The following KCNU1 variants were observed in gnomAD, a reference collection of about 807,000 sequenced individuals.
The protein encoded by KCNU1 is potassium channel subfamily U member 1.
Under a neutral mutation model 126.8 loss-of-function variants are expected in KCNU1, and 93 were observed. The observed-to-expected ratio is 0.73, with a 90% CI of 0.62 to 0.87. The LOEUF is 0.87. Among genes scored for constraint, KCNU1 ranks in the 40% least tolerant of loss-of-function variants. KCNU1 has a pLI of 0.00. For missense variants in KCNU1, 1,330 were observed against 1,367.1 expected, an observed-to-expected ratio of 0.97 and a Z score of 0.43; for synonymous variants, 523 against 494.2, an observed-to-expected ratio of 1.06 and a Z score of -0.77.
intron 2 of KCNU1, among the ~76,000 whole-genome samples, chr8:36,789,417 A>G (rs552499391): frequency 6.6e-6 from 1 of 152,156 alleles, no homozygotes; most frequent in African/African-American, 2.4e-5. Flanking sequence ...TAGAGATCCC[A>G]AGTACAGTTT....
chr8:36,911,999 T>A (rs961821038), intron 22 of KCNU1, among the ~76,000 whole-genome samples: 5 of 152,164 alleles, frequency 3.3e-5, no homozygotes, highest in East Asian at 1.9e-4. Context: ...ATTTTCTGTA[T>A]CTAAAACAGA....
intron 19 of KCNU1, among the ~76,000 whole-genome samples, chr8:36,904,931 G>A (rs1214757373): frequency 6.6e-6 from 1 of 152,142 alleles, no homozygotes; most frequent in African/African-American, 2.4e-5. Flanking sequence ...GCAGTGTTAA[G>A]CCTAGATTTT....
In KCNU1 at chr8:36,814,375, T is replaced by C. The variant is rs756058966; in HGVS notation, c.901T>C (p.Leu301=). 3.8e-6 allele frequency: 6 copies of C among 1,599,196 alleles called. No individual in the cohort carries two copies. The highest frequency in any genetic ancestry group is 1.3e-5 in the African/African-American group (1 of 74,542). ...CATCATGTTCTTCACACTGGGGAGT[T>C]TGGTGAAGAATATTTTTAATATATT... The part of the protein sequence containing the change: ...TFIMFFTLGS[L]ILFANYIPEM... The change falls in exon 8 of 27, where the codon TTG becomes CTG. Residue 301 remains leucine, a splice_region_variant and synonymous_variant. Transcript: ENST00000399881.
chr8:36,866,261 T>G (rs751954786), intron 19 of KCNU1, among the ~76,000 whole-genome samples: 4 of 152,122 alleles, frequency 2.6e-5, no homozygotes, highest in Non-Finnish European at 4.4e-5. Context: ...CCTATTTCTT[T>G]TAACACACAC....
At chr8:36,837,866 T>C (rs933972623) in intron 14 of KCNU1, among the ~76,000 whole-genome samples, 1 of 152,100 alleles carries the variant, frequency 6.6e-6, no homozygotes, top group Non-Finnish European at 1.5e-5. Context: ...TTGCCTTTCA[T>C]ACACGTGACT....
chr8:36,936,052 C>T lies in KCNU1; in HGVS notation c.*132C>T, dbSNP rs1034492460. ...CCCATTGCTTAGTGGTTCATGAAGGCCACACTGTTTTGGGTGAGACAAAAG... is the reference window on the plus strand; with the variant it reads ...CCCATTGCTTAGTGGTTCATGAAGGTCACACTGTTTTGGGTGAGACAAAAG... On this transcript the variant is annotated 3_prime_UTR_variant, in exon 27 of 27. Transcript: ENST00000399881. 2 of 749,050 alleles carry T rather than the reference C, an allele frequency of 2.7e-6. No homozygotes were observed. Among genetic ancestry groups the T allele is most frequent in the Admixed American group, 3.2e-5 (1 of 31,680 alleles). 46.4% of individuals were successfully genotyped at this position (749,050 alleles called of 1,614,324 possible). A position where few individuals can be genotyped will look rare whatever the true frequency, so the allele number is the denominator to read the frequency against.
chr8:36,855,937 T>C (rs1408124890), intron 18 of KCNU1, among the ~76,000 whole-genome samples: 1 of 152,186 alleles, frequency 6.6e-6, no homozygotes, highest in Non-Finnish European at 1.5e-5. Flanking sequence ...TTTCTCGTGC[T>C]GGTTTCAAGA....
intron 19 of KCNU1, among the ~76,000 whole-genome samples, chr8:36,902,772 CA>C (rs1807469508): frequency 6.6e-6 from 1 of 152,108 alleles, no homozygotes; most frequent in Non-Finnish European, 1.5e-5. Context: ...GTCCCATTAA[CA>C]AGCTTGGCAT....
chr8:36,900,247 A>C (rs1255127259), intron 19 of KCNU1, among the ~76,000 whole-genome samples: 2 of 152,138 alleles, frequency 1.3e-5, no homozygotes, highest in Non-Finnish European at 2.9e-5. Flanking sequence ...TTATGTCCCC[A>C]GTTGCTTGGT....
chr8:36,857,810 T>C (rs934872516), intron 18 of KCNU1, among the ~76,000 whole-genome samples: 1 of 151,916 alleles, frequency 6.6e-6, no homozygotes, highest in African/African-American at 2.4e-5. Flanking sequence ...CACATGCAGC[T>C]AATTTTTGTA....
chr8:36,929,379 C>T (rs1314134640), intron 24 of KCNU1, among the ~76,000 whole-genome samples: 1 of 122,164 alleles, frequency 8.2e-6, no homozygotes, highest in African/African-American at 3.2e-5. Context: ...CAGAGTGAGA[C>T]CCTGTCTCAA....
chr8:36,929,185 C>T, intron 24 of KCNU1: 1 of 519,154 alleles, frequency 1.9e-6, no homozygotes, highest in South Asian at 2.6e-5. Flanking sequence ...AGTTTGAGAT[C>T]AGCATGGCCA....
Position 36,787,359 on chromosome 8 carries a change from C to A in KCNU1, c.249C>A (p.Phe83Leu). The A allele has an allele frequency of 6.2e-7, 1 of 1,612,622 alleles. No individual in the cohort carries two copies. Among genetic ancestry groups the A allele is most frequent in the East Asian group, 2.2e-5 (1 of 44,846 alleles). ...GGAGCCATGTAAGAAGCCTCCACTT[C>A]CAGGGACAATTTCGTGATCATATAG... ...IARSHVRSLHFQGQFRDHIEM... is the reference protein window; with the variant it reads ...IARSHVRSLHLQGQFRDHIEM... The change falls in exon 2 of 27, where the codon TTC becomes TTA. Residue 83 changes from phenylalanine to leucine, a missense_variant. Physicochemically the swap from Phe to Leu is conservative, Grantham distance 22. Around this residue, in one of 3 missense-constraint regions of KCNU1, gnomAD observed 247 missense variants for 255.4 expected, o/e 0.97. Transcript: ENST00000399881.
chr8:36,799,906 T>C (rs538408741), intron 2 of KCNU1, among the ~76,000 whole-genome samples: 2 of 152,176 alleles, frequency 1.3e-5, no homozygotes, highest in East Asian at 3.9e-4. Context: ...ATTCCTTTAT[T>C]CTAGTTCACT....
At chr8:36,896,612 T>G (rs7460480) in intron 19 of KCNU1, among the ~76,000 whole-genome samples, 58,586 of 151,754 alleles carry the variant, frequency 0.39, 11,437 homozygotes, top group Admixed American at 0.44. Context: ...ATTTGGTGTG[T>G]TTACTGTTGG....
At chr8:36,911,499 C>T (rs559379389) in intron 22 of KCNU1, among the ~76,000 whole-genome samples, 1 of 152,174 alleles carries the variant, frequency 6.6e-6, no homozygotes, top group Non-Finnish European at 1.5e-5. Context: ...CTCATTGGAT[C>T]TTATAGATCT....
intron 24 of KCNU1, among the ~76,000 whole-genome samples, chr8:36,925,539 C>T (rs889520161): frequency 6.6e-6 from 1 of 152,138 alleles, no homozygotes; most frequent in Non-Finnish European, 1.5e-5. Flanking sequence ...TTTTTGTTTT[C>T]CTTCTCGTTT....
intron 10 of KCNU1, among the ~76,000 whole-genome samples, chr8:36,821,295 A>T (rs1309742187): frequency 1.3e-5 from 2 of 152,116 alleles, no homozygotes; most frequent in Admixed American, 6.6e-5. Flanking sequence ...CCCTAATAAC[A>T]CATGCTCAGA....
At chr8:36,866,439 T>G (rs1011485276) in intron 19 of KCNU1, among the ~76,000 whole-genome samples, 1 of 152,126 alleles carries the variant, frequency 6.6e-6, no homozygotes, top group African/African-American at 2.4e-5. Flanking sequence ...AATTACAGTT[T>G]GTGCCCTTCC....
Sources: allele counts gnomAD v4.1 joint callset (sites outside exome capture counted in the v4.1 genomes callset), GRCh38; gene constraint gnomAD v4.1.1; regional missense constraint gnomAD v4.1.1; transcripts MANE v1.5; gene names NCBI Gene and HGNC (gene_info 2026-07-23, HGNC 2026-07-21).